DMD: variants seen among roughly 807,000 people sequenced by gnomAD.
The protein encoded by DMD is dystrophin.
DMD carries 63 observed loss-of-function variants against 330.1 expected under a neutral mutation model. The observed-to-expected ratio is 0.19, with a 90% CI of 0.16 to 0.24. The LOEUF is 0.24. Ranked by LOEUF, DMD falls within the 10% of genes least tolerant of loss-of-function variation. The probability of loss-of-function intolerance (pLI) is 1.00; values close to 1 mark genes in which losing one functional copy is unlikely to be tolerated. For missense variants in DMD, 3,344 were observed against 2,684.1 expected (o/e 1.25, Z -5.43); for synonymous variants, 1,223 against 959.8 (o/e 1.27, Z -5.07).
At chrX:32,650,517 T>G (rs1371407882) in intron 9 of DMD, among the ~76,000 whole-genome samples, 1 of 111,809 alleles carries the variant, frequency 8.9e-6, no homozygotes, top group Non-Finnish European at 1.9e-5. Flanking sequence ...AGAGCATTTC[T>G]GAACAACCAG....
intron 13 of DMD, among the ~76,000 whole-genome samples, chrX:32,590,112 G>A (rs1253606586): frequency 8.9e-6 from 1 of 111,928 alleles, no homozygotes; most frequent in Non-Finnish European, 1.9e-5. Flanking sequence ...CTACCACAAA[G>A]TATTTCTACA....
At chrX:32,419,700 A>G (rs184684414) in intron 29 of DMD, among the ~76,000 whole-genome samples, 1 of 112,395 alleles carries the variant, frequency 8.9e-6, no homozygotes, top group African/African-American at 3.2e-5. Flanking sequence ...ACCAGGAAAG[A>G]ATATAAATGT....
intron 33 of DMD, among the ~76,000 whole-genome samples, chrX:32,384,168 GATTAAT>G (rs1303097835): frequency 9.1e-6 from 1 of 109,842 alleles, no homozygotes; most frequent in African/African-American, 3.3e-5. Flanking sequence ...GTAGCATTAG[GATTAAT>G]ATTAGAGATT....
intron 37 of DMD, among the ~76,000 whole-genome samples, chrX:32,360,722 G>C (rs2097829255): frequency 9.2e-6 from 1 of 108,597 alleles, no homozygotes; most frequent in South Asian, 4.1e-4. Context: ...AGGAGGCAGA[G>C]GTTGCAGTGA....
At chrX:33,221,146 C>T (rs188653046) in intron 1 of DMD, among the ~76,000 whole-genome samples, 207 of 111,132 alleles carry the variant, frequency 1.9e-3, no homozygotes, top group Non-Finnish European at 3.0e-3. Flanking sequence ...GGAACTGGGC[C>T]GTGGAATAAA....
intron 1 of DMD, among the ~76,000 whole-genome samples, chrX:33,038,190 A>C (rs62593425): frequency 2.0e-4 from 23 of 112,311 alleles, no homozygotes; most frequent in South Asian, 7.3e-4. Flanking sequence ...GACAAATATA[A>C]ATACATGCAT....
chrX:31,121,628 A>G lies in DMD; in HGVS notation c.*291T>C. On this transcript the variant is annotated 3_prime_UTR_variant, in exon 79 of 79. Transcript: ENST00000357033. The stretch of plus-strand genomic sequence containing the variant: ...AAGATTTTACATGTAGTTTTCTTAT[A>G]ACTTTTTTGTACAATTGCATAGACG... 1 of 356,873 alleles carries G rather than the reference A, an allele frequency of 2.8e-6. No homozygotes were observed. Among genetic ancestry groups the G allele is most frequent in the Non-Finnish European group, 4.9e-6 (1 of 206,109 alleles). 29.4% of individuals were successfully genotyped at this position (356,873 alleles called of 1,213,427 possible).
chrX:32,473,230 A>G (rs2040852693), intron 21 of DMD, among the ~76,000 whole-genome samples: 1 of 111,160 alleles, frequency 9.0e-6, no homozygotes, highest in South Asian at 3.7e-4. Flanking sequence ...GTGAAAAATA[A>G]GAATTAAGTG....
intron 39 of DMD, among the ~76,000 whole-genome samples, chrX:32,343,888 GAACAT>G (rs1432097736): frequency 2.7e-5 from 3 of 111,873 alleles, no homozygotes; most frequent in African/African-American, 6.5e-5. Context: ...GTATATTGGT[GAACAT>G]AACTAATAAA....
At chrX:32,858,064 C>A (rs1228453502) in intron 2 of DMD, among the ~76,000 whole-genome samples, 1 of 110,103 alleles carries the variant, frequency 9.1e-6, no homozygotes, top group African/African-American at 3.3e-5. Flanking sequence ...CTCACAGAGT[C>A]AATGATATAT....
chrX:31,910,925 A>C (rs1337249324), intron 47 of DMD, among the ~76,000 whole-genome samples: 1 of 112,267 alleles, frequency 8.9e-6, no homozygotes, highest in Non-Finnish European at 1.9e-5. Flanking sequence ...CCCAGGGCTA[A>C]AGGAGAAATT....
At chrX:31,735,764 C>A (rs771211947) in intron 51 of DMD, among the ~76,000 whole-genome samples, 6 of 111,655 alleles carry the variant, frequency 5.4e-5, no homozygotes, top group African/African-American at 1.6e-4. Context: ...AGATAACAAC[C>A]ACTAGGTTTG....
At chrX:33,338,480 T>TAAATA (rs759922783) in intron 1 of DMD, among the ~76,000 whole-genome samples, 1,468 of 109,299 alleles carry the variant, frequency 0.013, 25 homozygotes, top group African/African-American at 0.045. Flanking sequence ...AATAAATAAA[T>TAAATA]AAATAAATAA....
intron 45 of DMD, among the ~76,000 whole-genome samples, chrX:31,962,012 GC>G (rs1443527327): frequency 9.0e-6 from 1 of 110,663 alleles, no homozygotes; most frequent in African/African-American, 3.3e-5. Context: ...GATAAATAAT[GC>G]AAAATCTGAT....
At chrX:32,736,660 G>A (rs1440829515) in intron 7 of DMD, among the ~76,000 whole-genome samples, 23 of 106,818 alleles carry the variant, frequency 2.2e-4, no homozygotes, top group African/African-American at 3.8e-4. Flanking sequence ...GTAAACTATC[G>A]CAAGAACAAA....
intron 44 of DMD, among the ~76,000 whole-genome samples, chrX:32,168,780 C>A (rs1363900071): frequency 1.8e-5 from 2 of 111,373 alleles, no homozygotes; most frequent in Non-Finnish European, 3.8e-5. Flanking sequence ...TTGATGTTTT[C>A]TCATGCATGA....
At chrX:31,156,087 AC>A (rs966966874) in intron 74 of DMD, among the ~76,000 whole-genome samples, 4 of 111,797 alleles carry the variant, frequency 3.6e-5, no homozygotes, top group African/African-American at 1.3e-4. Context: ...GTGGAAAAAG[AC>A]ATTAATAAGG....
chrX:32,410,550 A>T (rs1049333646), intron 30 of DMD, among the ~76,000 whole-genome samples: 4 of 111,823 alleles, frequency 3.6e-5, no homozygotes, highest in African/African-American at 1.3e-4. Context: ...TTCATTTTAA[A>T]GTGAAAAACT....
chrX:31,545,396 C>A (rs941827138), intron 55 of DMD, among the ~76,000 whole-genome samples: 1 of 112,122 alleles, frequency 8.9e-6, no homozygotes, highest in Non-Finnish European at 1.9e-5. Flanking sequence ...TTTCCTTCTG[C>A]CTTCTGGGAT....
Sources: gnomAD v4.1 joint callset for allele counts (sites outside exome capture counted in the v4.1 genomes callset) on GRCh38, gnomAD v4.1.1 for gene constraint, MANE v1.5 for transcripts, NCBI Gene and HGNC (gene_info 2026-07-23, HGNC 2026-07-21) for gene names.